SERINC5: variants seen among roughly 807,000 people sequenced by gnomAD.
The protein encoded by SERINC5 is chromosome 5 open reading frame 12.
Under a neutral mutation model 63.1 loss-of-function variants are expected in SERINC5, and 41 were observed. The observed-to-expected ratio is 0.65, with a 90% confidence interval of 0.51 to 0.84. The LOEUF is 0.84. Among genes scored for constraint, SERINC5 ranks in the 40% least tolerant of loss-of-function variants. The probability of loss-of-function intolerance (pLI) is 0.00; values close to 1 mark genes in which losing one functional copy is unlikely to be tolerated. For synonymous variants in SERINC5, 222 were observed against 215.2 expected, an observed-to-expected ratio of 1.03 and a Z score of -0.28; for missense variants, 523 against 573.0, an observed-to-expected ratio of 0.91 and a Z score of 0.89.
chr5:80,113,992 G>A (rs1311676166), intron 11 of SERINC5, among the ~76,000 whole-genome samples: 1 of 151,974 alleles, frequency 6.6e-6, no homozygotes, highest in Non-Finnish European at 1.5e-5. Flanking sequence ...ATCTCTGGGT[G>A]TCCTCAAGAT....
intron 2 of SERINC5, chr5:80,198,629 A>C: frequency 1.0e-6 from 1 of 985,320 alleles, no homozygotes; most frequent in Non-Finnish European, 1.2e-6. Flanking sequence ...GCCAACAAAG[A>C]GGGGGTAAGG....
intron 2 of SERINC5, among the ~76,000 whole-genome samples, chr5:80,190,280 T>A (rs1273187437): frequency 6.6e-6 from 1 of 151,906 alleles, no homozygotes; most frequent in Admixed American, 6.6e-5. Flanking sequence ...ACCTGACTAA[T>A]TTTTGTATTT....
chr5:80,183,095 G>T (rs1351252577), intron 2 of SERINC5, among the ~76,000 whole-genome samples: 2 of 152,154 alleles, frequency 1.3e-5, no homozygotes, highest in Non-Finnish European at 2.9e-5. Flanking sequence ...TGGTGAAAGG[G>T]TACAGACTTG....
At chr5:80,209,864 A>G (rs1750350065) in intron 1 of SERINC5, among the ~76,000 whole-genome samples, 2 of 151,978 alleles carry the variant, frequency 1.3e-5, no homozygotes, top group African/African-American at 4.8e-5. Flanking sequence ...CCGGGGTAAC[A>G]TGGCAAAACC....
rs116462272 is a variant in SERINC5 at position 80,210,901 on chromosome 5, G to A, written c.28-7848C>T. 7.4e-3 allele frequency among the ~76,000 whole-genome samples: 1,122 copies of A among 152,264 alleles called. 16 individuals carry two copies. Among genetic ancestry groups the A allele is most frequent in the African/African-American group, 0.022 (931 of 41,542 alleles). ...ATCTCACATCCAACGGATGGGCAGC[G>A]GCTGCCTGAAACTCTGTGCTGAGGA... On this transcript the variant is annotated intron_variant, in intron 1 of 11. Coordinates refer to ENST00000507668, the MANE Select transcript of SERINC5 (RefSeq NM_001174072.3).
In SERINC5 at chr5:80,142,792, T is replaced by C; in HGVS notation, c.*871A>G. 4.1e-6 allele frequency: 4 copies of C among 985,472 alleles called. No individual in the cohort carries two copies. Among genetic ancestry groups the C allele is most frequent in the Non-Finnish European group, 4.8e-6 (4 of 829,944 alleles). The allele number at this position is 985,472 out of a possible 1,614,324, so 61.0% of individuals were successfully genotyped here. On this transcript the variant is annotated 3_prime_UTR_variant, in exon 12 of 12. Transcript: ENST00000507668. ...CTTTTCAGTTAAGGTCCTAAAAGTA[T>C]TATCATTATCAACAGCACAAACAAG...
At position 80,224,488 on chromosome 5, in the gene SERINC5, A is replaced by G. The variant is rs551814445; in HGVS notation, c.28-21435T>C. Among the ~76,000 whole-genome samples, 11 of 152,326 alleles carry G rather than the reference A, an allele frequency of 7.2e-5. No homozygotes were observed. The South Asian group carries it at 1.9e-3, about 26-fold the overall frequency. On this transcript the variant is annotated intron_variant, in intron 1 of 11. Transcript: ENST00000507668. The stretch of plus-strand genomic sequence containing the variant: ...CAAGACCCTGTCTCAAAAGAAAAAA[A>G]AACAGTCATGTTTGATGAGCCACCA...
rs368208203 is a variant in SERINC5 at position 80,146,208 on chromosome 5, C to T, written c.1120G>A (p.Glu374Lys). Reference sequence around the variant, plus strand: ...TCGTCATAAATGACCCGTGGTCCCTCCTTCCCCGGCTGCTGCTCTTCAGTG... The same window carrying T: ...TCGTCATAAATGACCCGTGGTCCCTTCTTCCCCGGCTGCTGCTCTTCAGTG... ...EDTEEQQPGK[E>K]GPRVIYDEKK... is the part of the protein sequence containing the mutation. Residue 374 changes from glutamate to lysine, a missense_variant, in exon 11 of 12, where the codon GAG becomes AAG. Transcript: ENST00000507668. 1 of 1,613,874 alleles carries T rather than the reference C, an allele frequency of 6.2e-7. No homozygotes were observed. Among genetic ancestry groups the T allele is most frequent in the Non-Finnish European group, 8.5e-7 (1 of 1,179,886 alleles).
chr5:80,205,991 A>AAC (rs1750142632), intron 1 of SERINC5, among the ~76,000 whole-genome samples: 1 of 151,504 alleles, frequency 6.6e-6, no homozygotes, highest in African/African-American at 2.4e-5. Flanking sequence ...AAAAAAAAAA[A>AAC]AAAACCTCAA....
chr5:80,196,018 A>G (rs1348061645), intron 2 of SERINC5, among the ~76,000 whole-genome samples: 2 of 152,188 alleles, frequency 1.3e-5, no homozygotes, highest in African/African-American at 4.8e-5. Context: ...TGTAATATGC[A>G]ACACCAGGGA....
chr5:80,250,693 G>T (rs1752371824), intron 1 of SERINC5, among the ~76,000 whole-genome samples: 1 of 152,238 alleles, frequency 6.6e-6, no homozygotes. Context: ...TGGACTCTGT[G>T]TATGTGGGTG....
In SERINC5 at chr5:80,166,483, A is replaced by G; in HGVS notation, c.764-5T>C. ...AGAGCCCCGAGTGTGGCTGTCCTGA[A>G]AAGTGACAAGAGACAGACAACAGGT... is the stretch of plus-strand genomic sequence containing the variant. On this transcript the variant is annotated splice_polypyrimidine_tract_variant and splice_region_variant and intron_variant, in intron 6 of 11. Transcript: ENST00000507668. The G allele has an allele frequency of 4.5e-6, 7 of 1,571,906 alleles. No homozygotes were observed. The highest frequency in any genetic ancestry group is 6.1e-6 in the Non-Finnish European group (7 of 1,156,080).
In SERINC5 at chr5:80,216,973, T is replaced by C. The variant is rs572150619; in HGVS notation, c.28-13920A>G. On this transcript the variant is annotated intron_variant, in intron 1 of 11. Transcript: ENST00000507668. ...TTACATTGAGCTGAGATTGCATCACTGCACTTCAGCCTGGGCAACAGAGTG... is the reference window on the plus strand; with the variant it reads ...TTACATTGAGCTGAGATTGCATCACCGCACTTCAGCCTGGGCAACAGAGTG... Among the ~76,000 whole-genome samples the C allele has an allele frequency of 2.7e-3, 410 of 152,198 alleles. 4 individuals are homozygous for C. Among genetic ancestry groups the C allele is most frequent in the African/African-American group, 9.5e-3 (396 of 41,518 alleles).
At chr5:80,137,416 G>A (rs957171433), downstream of SERINC5, among the ~76,000 whole-genome samples, 75 of 149,476 alleles carry the variant, frequency 5.0e-4, no homozygotes, top group Non-Finnish European at 2.8e-4. Flanking sequence ...CAAGACAGGC[G>A]GATCATGAGG....
intron 11 of SERINC5, among the ~76,000 whole-genome samples, chr5:80,124,013 T>C (rs975037278): frequency 1.3e-5 from 2 of 152,146 alleles, no homozygotes; most frequent in Non-Finnish European, 2.9e-5. Context: ...GAGAGAGGTA[T>C]TGTCCTGAGA....
intron 11 of SERINC5, among the ~76,000 whole-genome samples, chr5:80,118,714 ATTTTTTT>A (rs34814066): frequency 1.0e-4 from 11 of 108,256 alleles, no homozygotes; most frequent in Non-Finnish European, 1.4e-4. Flanking sequence ...TGTCCAGCTA[ATTTTTTT>A]TTTTTTTTTT....
At chr5:80,207,394 T>C (rs1750224272) in intron 1 of SERINC5, among the ~76,000 whole-genome samples, 1 of 152,156 alleles carries the variant, frequency 6.6e-6, no homozygotes, top group Non-Finnish European at 1.5e-5. Flanking sequence ...CCTCCCACAA[T>C]AAAACATTCC....
At chr5:80,188,591 A>G (rs1384417271) in intron 2 of SERINC5, among the ~76,000 whole-genome samples, 1 of 152,008 alleles carries the variant, frequency 6.6e-6, no homozygotes, top group Non-Finnish European at 1.5e-5. Context: ...CTTACATACT[A>G]CATAGAATTC....
rs900495244 is a variant in SERINC5, at chr5:80,140,716, T to C, written c.*2947A>G. On this transcript the variant is annotated 3_prime_UTR_variant, in exon 12 of 12. Transcript: ENST00000507668. ...AACATGCCGCGGTATGACACTCCCA[T>C]AAGAACCCCCACCCCCCTGCCACCC... 21 of 985,168 alleles carry C rather than the reference T, an allele frequency of 2.1e-5. No homozygotes were observed. Among genetic ancestry groups the C allele is most frequent in the Non-Finnish European group, 2.5e-5 (21 of 829,850 alleles). The allele number at this position is 985,168 out of a possible 1,614,324, so 61.0% of individuals were successfully genotyped here.
Sources: gnomAD v4.1 joint callset for allele counts (sites outside exome capture counted in the v4.1 genomes callset) on GRCh38, gnomAD v4.1.1 for gene constraint, MANE v1.5 for transcripts, NCBI Gene and HGNC (gene_info 2026-07-23, HGNC 2026-07-21) for gene names.